ENTPD5: variants seen among roughly 807,000 people sequenced by gnomAD.
ENTPD5 encodes nucleoside diphosphate phosphatase ENTPD5.
In ENTPD5, 49 loss-of-function variants were observed where a neutral mutation model predicts 60.2. That is an observed-to-expected ratio of 0.81 (90% CI 0.65 to 1.03). The LOEUF (loss-of-function observed/expected upper bound fraction) is 1.03. Ranked by LOEUF, ENTPD5 falls within the 50% of genes least tolerant of loss-of-function variation. The pLI, the probability that ENTPD5 is intolerant of heterozygous loss-of-function variation, is 0.00. For synonymous variants in ENTPD5, 187 were observed against 185.4 expected (o/e 1.01, Z -0.07); for missense variants, 480 against 507.6 (o/e 0.95, Z 0.52).
chr14:73,991,431 T>C (rs2058122991), intron 3 of ENTPD5, among the ~76,000 whole-genome samples: 1 of 151,900 alleles, frequency 6.6e-6, no homozygotes, highest in South Asian at 2.1e-4. Flanking sequence ...TCTACTAAAA[T>C]ACAAAAATTA....
chr14:73,995,835 GTCT>G (rs1331859203), intron 3 of ENTPD5, among the ~76,000 whole-genome samples: 1 of 151,982 alleles, frequency 6.6e-6, no homozygotes, highest in Non-Finnish European at 1.5e-5. Flanking sequence ...TTCACAGTTG[GTCT>G]TCTCATTTTC....
chr14:74,000,608 C>T (rs1262729045), intron 3 of ENTPD5, among the ~76,000 whole-genome samples: 1 of 151,820 alleles, frequency 6.6e-6, no homozygotes, highest in African/African-American at 2.4e-5. Context: ...TGGTGAAACC[C>T]CATCTCTACT....
chr14:74,002,328 G>A (rs888734663), intron 3 of ENTPD5, among the ~76,000 whole-genome samples: 3 of 152,142 alleles, frequency 2.0e-5, no homozygotes, highest in East Asian at 1.9e-4. Flanking sequence ...GTGGGGAGGC[G>A]AGTGTAGAGC....
chr14:73,967,050 C>A (rs774518540), intron 15 of ENTPD5, 36 bp from the exon 16 acceptor site: 3 of 1,558,658 alleles, frequency 1.9e-6, no homozygotes, highest in Non-Finnish European at 1.8e-6. Context: ...CCTTTTCATC[C>A]AGTTTCCAAC....
chr14:73,981,048 G>A (rs2057667291), intron 6 of ENTPD5, among the ~76,000 whole-genome samples: 1 of 152,038 alleles, frequency 6.6e-6, no homozygotes, highest in Non-Finnish European at 1.5e-5. Flanking sequence ...GTAGTGACCT[G>A]AGGTCGCACT....
chr14:73,991,413 C>A (rs1340737750), intron 3 of ENTPD5, among the ~76,000 whole-genome samples: 3 of 151,824 alleles, frequency 2.0e-5, no homozygotes, highest in Non-Finnish European at 4.4e-5. Context: ...CGTGGTGAAA[C>A]CCCCGTCTCT....
At chr14:73,958,463 A>C, downstream of ENTPD5, 7 of 1,457,612 alleles carry the variant, frequency 4.8e-6, no homozygotes, top group South Asian at 9.0e-5. Flanking sequence ...TACAGGGAGC[A>C]ATCTCATGGG....
rs933081870 is a variant in ENTPD5 at position 74,015,913 on chromosome 14, G to A, written c.-220C>T. The A allele has an allele frequency of 2.0e-5, 3 of 152,246 alleles. No homozygotes were observed. The East Asian group carries it at 5.8e-4, about 29-fold the overall frequency. The allele number at this position is 152,246 out of a possible 1,614,324, so 9.4% of individuals were successfully genotyped here. A position where few individuals can be genotyped will look rare whatever the true frequency, so the allele number is the denominator to read the frequency against. ...CCAAGACACTCCACATTTCTTTGTT[G>A]ACCAGGAACAAGGAAAACTGGACAG... On this transcript the variant is annotated 5_prime_UTR_variant, in exon 2 of 16. Transcript: ENST00000334696.
chr14:73,975,667 G>A (rs1413407231), intron 10 of ENTPD5, among the ~76,000 whole-genome samples: 1 of 152,104 alleles, frequency 6.6e-6, no homozygotes, highest in East Asian at 1.9e-4. Flanking sequence ...GCCTCCCAAA[G>A]TGCAGGGATT....
intron 3 of ENTPD5, among the ~76,000 whole-genome samples, chr14:73,993,295 C>T (rs780572807): frequency 4.6e-5 from 7 of 152,142 alleles, no homozygotes; most frequent in Non-Finnish European, 8.8e-5. Flanking sequence ...TGTGACTGCA[C>T]TACTGCACTT....
intron 6 of ENTPD5, among the ~76,000 whole-genome samples, chr14:73,982,546 G>A (rs947399692): frequency 6.6e-6 from 1 of 151,950 alleles, no homozygotes; most frequent in Non-Finnish European, 1.5e-5. Context: ...CACGAGGTCA[G>A]GAGATCGAGA....
At chr14:74,016,358 C>T (rs2059016846) in intron 1 of ENTPD5, among the ~76,000 whole-genome samples, 1 of 152,092 alleles carries the variant, frequency 6.6e-6, no homozygotes, top group Non-Finnish European at 1.5e-5. Flanking sequence ...TAAACTAGGC[C>T]AAGTGTGGCG....
At position 73,969,920 on chromosome 14, in the gene ENTPD5, C is replaced by A. The variant is rs1034925931; in HGVS notation, c.1200+90G>T. On this transcript the variant is annotated intron_variant, in intron 15 of 15. Transcript: ENST00000334696. Reference sequence around the variant, plus strand: ...ACAAAAATACCTCATAATTTCACTTCTAGCTACTCTGATTACTGAACAAGC... The same window carrying A: ...ACAAAAATACCTCATAATTTCACTTATAGCTACTCTGATTACTGAACAAGC... 3 of 907,272 alleles carry A rather than the reference C, an allele frequency of 3.3e-6. No homozygotes were observed. The Admixed American group carries it at 5.5e-5, about 17-fold the overall frequency. 56.2% of individuals were successfully genotyped at this position (907,272 alleles called of 1,614,324 possible). A position where few individuals can be genotyped will look rare whatever the true frequency, so the allele number is the denominator to read the frequency against.
intron 3 of ENTPD5, among the ~76,000 whole-genome samples, chr14:73,994,944 C>CT (rs1351078369): frequency 1.3e-5 from 2 of 151,830 alleles, no homozygotes; most frequent in African/African-American, 2.4e-5. Flanking sequence ...CTCCACAGGA[C>CT]TTTTTACCAT....
intron 5 of ENTPD5, among the ~76,000 whole-genome samples, chr14:73,984,166 T>A (rs1594887710): frequency 6.6e-6 from 1 of 152,228 alleles, no homozygotes; most frequent in African/African-American, 2.4e-5. Flanking sequence ...TAGCTGGGAT[T>A]ACAGGCATGC....
At chr14:73,971,079 T>C (rs750414957) in intron 14 of ENTPD5, among the ~76,000 whole-genome samples, 4 of 152,052 alleles carry the variant, frequency 2.6e-5, no homozygotes, top group Non-Finnish European at 5.9e-5. Context: ...CTGATAACAC[T>C]ATTTCAATTT....
At chr14:73,957,299 G>A (rs1356157205), downstream of ENTPD5, among the ~76,000 whole-genome samples, 4 of 151,646 alleles carry the variant, frequency 2.6e-5, no homozygotes, top group East Asian at 1.9e-4. Context: ...GGGTTTCACC[G>A]TGGTCTCAAT....
chr14:74,001,724 T>G (rs1208760577), intron 3 of ENTPD5, among the ~76,000 whole-genome samples: 1 of 138,024 alleles, frequency 7.2e-6, no homozygotes. Context: ...GGTACACACC[T>G]GTAGTCTCAA....
chr14:73,961,351 T>C (rs749317276), downstream of ENTPD5: 1 of 1,614,198 alleles, frequency 6.2e-7, no homozygotes. Flanking sequence ...GCTGAGTACG[T>C]CAGGCCTCGG....
Sources: gnomAD v4.1 joint callset for allele counts (sites outside exome capture counted in the v4.1 genomes callset) on GRCh38, gnomAD v4.1.1 for gene constraint, MANE v1.5 for transcripts, NCBI Gene and HGNC (gene_info 2026-07-23, HGNC 2026-07-21) for gene names.